The following SLIT3 variants were observed in gnomAD, a reference collection of about 807,000 sequenced individuals.
SLIT3 encodes the protein slit homolog 3 protein.
In SLIT3, 68 loss-of-function variants were observed where a neutral mutation model predicts 184.0. The ratio of observed to expected loss-of-function variants is 0.37; its 90% CI spans 0.30 to 0.45. The LOEUF (loss-of-function observed/expected upper bound fraction) is 0.45. SLIT3 is among the 20% of genes least tolerant of loss of function. The probability of loss-of-function intolerance (pLI) is 1.00; values close to 1 mark genes in which losing one functional copy is unlikely to be tolerated. For missense variants in SLIT3, 1,707 were observed against 2,026.0 expected (o/e 0.84, Z 3.02); for synonymous variants, 831 against 828.6 (o/e 1.00, Z -0.05).
intron 3 of SLIT3, among the ~76,000 whole-genome samples, chr5:169,233,058 G>A (rs988281337): frequency 8.6e-5 from 13 of 151,992 alleles, no homozygotes; most frequent in East Asian, 1.9e-4. Flanking sequence ...ATAGAGTCTC[G>A]CTCTGTCACC....
chr5:168,790,535 T>C (rs1561934507), intron 10 of SLIT3: 1 of 152,204 alleles, frequency 6.6e-6, no homozygotes, highest in African/African-American at 2.4e-5. Flanking sequence ...GGGAAATTCT[T>C]TCTCTTAGAG....
rs139464442 is a variant in SLIT3, at chr5:168,832,669, G to A, written c.558-9338C>T. 1.7e-3 allele frequency among the ~76,000 whole-genome samples: 264 copies of A among 152,292 alleles called. 1 individual carries two copies. Among genetic ancestry groups the A allele is most frequent in the African/African-American group, 5.9e-3 (247 of 41,554 alleles). ...AAACCCAGCCTTACTAAATGGGATC[G>A]TCACTTCTTGTTTCAAGAGACTGTG... On this transcript the variant is annotated intron_variant, in intron 6 of 35. Coordinates refer to ENST00000519560, the MANE Select transcript of SLIT3 (RefSeq NM_003062.4).
intron 4 of SLIT3, among the ~76,000 whole-genome samples, chr5:169,060,619 T>C (rs1244120207): frequency 6.6e-6 from 1 of 151,970 alleles, no homozygotes; most frequent in African/African-American, 2.4e-5. Flanking sequence ...TAGCTGGGAG[T>C]CTGCATCAGG....
At chr5:168,679,199 T>C (rs1001933089) in intron 32 of SLIT3, among the ~76,000 whole-genome samples, 5 of 152,216 alleles carry the variant, frequency 3.3e-5, no homozygotes, top group South Asian at 2.1e-4. Flanking sequence ...GCTAGGACCA[T>C]ACATGTGCAC....
intron 4 of SLIT3, among the ~76,000 whole-genome samples, chr5:168,973,350 C>T (rs1235956677): frequency 5.3e-5 from 8 of 152,098 alleles, no homozygotes; most frequent in African/African-American, 1.4e-4. Context: ...CGGGTTCAAG[C>T]GATTCTCCTA....
chr5:168,751,478 A>G (rs1204322403), intron 18 of SLIT3, among the ~76,000 whole-genome samples: 2 of 152,026 alleles, frequency 1.3e-5, no homozygotes, highest in African/African-American at 4.8e-5. Flanking sequence ...TAACCATCCT[A>G]GGAGGTAGAT....
At chr5:168,872,726 C>T (rs191883804) in intron 5 of SLIT3, among the ~76,000 whole-genome samples, 1 of 149,356 alleles carries the variant, frequency 6.7e-6, no homozygotes, top group African/African-American at 2.5e-5. Flanking sequence ...ACAACCTCTG[C>T]CTCCCAGGTT....
At chr5:168,930,150 C>T (rs1019224148) in intron 4 of SLIT3, among the ~76,000 whole-genome samples, 5 of 152,112 alleles carry the variant, frequency 3.3e-5, no homozygotes, top group African/African-American at 9.7e-5. Context: ...AACAGCACCT[C>T]GGGGAGTGAG....
intron 32 of SLIT3, among the ~76,000 whole-genome samples, chr5:168,676,673 G>T (rs1039048555): frequency 2.0e-5 from 3 of 152,194 alleles, no homozygotes; most frequent in Non-Finnish European, 2.9e-5. Context: ...CAGCGTCCTA[G>T]AAATGGATGC....
intron 14 of SLIT3, 131 bp from the exon 15 acceptor site, chr5:168,762,820 CG>C: frequency 1.2e-6 from 1 of 847,408 alleles, no homozygotes; most frequent in Non-Finnish European, 1.9e-6. Context: ...GTAACAGACA[CG>C]GCATCGCCTT....
chr5:168,974,399 C>T (rs923121136), intron 4 of SLIT3, among the ~76,000 whole-genome samples: 5 of 152,156 alleles, frequency 3.3e-5, no homozygotes, highest in African/African-American at 1.2e-4. Flanking sequence ...AGGCCAGATC[C>T]CAAAAGAAAA....
At chr5:169,079,488 GA>G (rs1373795702) in intron 4 of SLIT3, among the ~76,000 whole-genome samples, 3 of 124,942 alleles carry the variant, frequency 2.4e-5, no homozygotes, top group Non-Finnish European at 3.4e-5. Flanking sequence ...GGTGGGGGAG[GA>G]GGGGGGGAGG....
At chr5:169,242,959 T>A (rs1171832644) in intron 3 of SLIT3, among the ~76,000 whole-genome samples, 1 of 152,072 alleles carries the variant, frequency 6.6e-6, no homozygotes, top group Non-Finnish European at 1.5e-5. Flanking sequence ...TCATCTAGTA[T>A]CTGCTGCACA....
chr5:168,924,617 C>T (rs1761752716), intron 4 of SLIT3, among the ~76,000 whole-genome samples: 1 of 151,772 alleles, frequency 6.6e-6, no homozygotes, highest in African/African-American at 2.4e-5. Context: ...TCAAGCAATC[C>T]TCCCACCTCA....
chr5:169,019,696 C>A (rs999365273), intron 4 of SLIT3, among the ~76,000 whole-genome samples: 2 of 152,204 alleles, frequency 1.3e-5, no homozygotes, highest in African/African-American at 4.8e-5. Flanking sequence ...TGGGCCCCAA[C>A]TCCAAAATAC....
intron 4 of SLIT3, among the ~76,000 whole-genome samples, chr5:169,178,966 T>C (rs1763065324): frequency 6.6e-6 from 1 of 152,154 alleles, no homozygotes; most frequent in Non-Finnish European, 1.5e-5. Flanking sequence ...GATGGTAGGT[T>C]TGCAGAAAGG....
intron 8 of SLIT3, among the ~76,000 whole-genome samples, chr5:168,811,909 C>G (rs1243774156): frequency 1.3e-5 from 2 of 152,206 alleles, no homozygotes; most frequent in African/African-American, 4.8e-5. Flanking sequence ...GGTATCTGCA[C>G]TCCCATGTTC....
intron 12 of SLIT3, among the ~76,000 whole-genome samples, chr5:168,780,305 G>A (rs1488479343): frequency 1.3e-5 from 2 of 152,258 alleles, no homozygotes; most frequent in Non-Finnish European, 2.9e-5. Context: ...GGCCCTTCCA[G>A]GAGAATGGAT....
chr5:168,715,458 T>A (rs1762692930), intron 23 of SLIT3, among the ~76,000 whole-genome samples: 2 of 152,036 alleles, frequency 1.3e-5, no homozygotes, highest in Non-Finnish European at 2.9e-5. Flanking sequence ...TGGTGTGAGG[T>A]TGAGCATGCA....
Sources: gnomAD v4.1 joint callset for allele counts (sites outside exome capture counted in the v4.1 genomes callset) on GRCh38, gnomAD v4.1.1 for gene constraint, MANE v1.5 for transcripts, NCBI Gene and HGNC (gene_info 2026-07-23, HGNC 2026-07-21) for gene names.